Variants in ATXN1 observed in about 807,000 individuals in gnomAD.
ATXN1 encodes ataxin-1.
A neutral mutation model predicts 56.4 loss-of-function variants in ATXN1; 8 were observed. The observed-to-expected ratio is 0.14, with a 90% CI of 0.08 to 0.26. The LOEUF (loss-of-function observed/expected upper bound fraction) is 0.26. ATXN1 is among the 10% of genes least tolerant of loss of function. ATXN1 has a pLI of 1.00. For synonymous variants in ATXN1, 514 were observed against 494.6 expected (o/e 1.04, Z -0.52); for missense variants, 987 against 1,106.5 (o/e 0.89, Z 1.53).
At chr6:16,542,904 G>GTCTC (rs372686797) in intron 4 of ATXN1, among the ~76,000 whole-genome samples, 1 of 151,174 alleles carries the variant, frequency 6.6e-6, no homozygotes, top group Non-Finnish European at 1.5e-5. Flanking sequence ...TGAATGTGGT[G>GTCTC]TCTCTCTCTC....
intron 4 of ATXN1, among the ~76,000 whole-genome samples, chr6:16,566,772 C>T (rs1010216417): frequency 1.3e-5 from 2 of 152,028 alleles, no homozygotes; most frequent in Non-Finnish European, 2.9e-5. Flanking sequence ...AGGAGAATCG[C>T]TTGAATCTGG....
intron 6 of ATXN1, among the ~76,000 whole-genome samples, chr6:16,334,289 A>T (rs1761062568): frequency 6.6e-6 from 1 of 152,364 alleles, no homozygotes; most frequent in South Asian, 2.1e-4. Context: ...TGGTTTCAAC[A>T]GCTCAATTAG....
At chr6:16,661,659 C>A (rs1456743356) in intron 2 of ATXN1, among the ~76,000 whole-genome samples, 1 of 152,140 alleles carries the variant, frequency 6.6e-6, no homozygotes, top group South Asian at 2.1e-4. Flanking sequence ...ATTTCCAAGA[C>A]TGGGTTACAT....
intron 2 of ATXN1, among the ~76,000 whole-genome samples, chr6:16,727,837 C>T (rs1446883122): frequency 6.6e-6 from 1 of 152,182 alleles, no homozygotes; most frequent in Non-Finnish European, 1.5e-5. Context: ...AGTGAAAATT[C>T]GTCAGAGACC....
At chr6:16,462,751 C>A (rs1760024662) in intron 6 of ATXN1, among the ~76,000 whole-genome samples, 1 of 152,140 alleles carries the variant, frequency 6.6e-6, no homozygotes, top group Non-Finnish European at 1.5e-5. Flanking sequence ...TGTTATCAGG[C>A]CTGCCCCTGG....
rs1053401871 is a variant in ATXN1, at chr6:16,366,362, C to G, written c.-160-37892G>C. 5.8e-4 allele frequency among the ~76,000 whole-genome samples: 89 copies of G among 152,202 alleles called. 1 individual carries two copies. The highest frequency in any genetic ancestry group is 3.4e-3 in the Middle Eastern group (1 of 294). On this transcript the variant is annotated intron_variant, in intron 6 of 7. Transcript: ENST00000436367. The stretch of plus-strand genomic sequence containing the variant: ...CCTAGCTAACTTCTGGCTCTGGCAC[C>G]CTATCCGCTGACCCCTTTGCAACAA...
intron 3 of ATXN1, among the ~76,000 whole-genome samples, chr6:16,638,691 A>G (rs2113818145): frequency 6.6e-6 from 1 of 152,306 alleles, no homozygotes; most frequent in South Asian, 2.1e-4. Context: ...TTTAGTATAC[A>G]TTTTTGCTGA....
At chr6:16,415,127 A>C (rs1184622550) in intron 6 of ATXN1, among the ~76,000 whole-genome samples, 1 of 152,248 alleles carries the variant, frequency 6.6e-6, no homozygotes, top group Non-Finnish European at 1.5e-5. Context: ...GGTTTGTACA[A>C]CAGAAGAAGA....
chr6:16,632,867 T>G (rs1375337199), intron 3 of ATXN1, among the ~76,000 whole-genome samples: 5 of 151,756 alleles, frequency 3.3e-5, no homozygotes, highest in Admixed American at 1.3e-4. Context: ...TGTGGTGGCA[T>G]GCGCCTGTAA....
chr6:16,344,912 T>C (rs1581702841), intron 6 of ATXN1, among the ~76,000 whole-genome samples: 1 of 152,336 alleles, frequency 6.6e-6, no homozygotes, highest in East Asian at 1.9e-4. Flanking sequence ...GCAAAGCCAC[T>C]TCCGGCTGCT....
At chr6:16,458,669 A>C (rs905233744) in intron 6 of ATXN1, among the ~76,000 whole-genome samples, 1 of 152,208 alleles carries the variant, frequency 6.6e-6, no homozygotes, top group African/African-American at 2.4e-5. Context: ...GAGGACAGAA[A>C]ATGGAGCAGG....
intron 5 of ATXN1, among the ~76,000 whole-genome samples, chr6:16,490,439 T>C (rs527499947): frequency 2.0e-5 from 3 of 152,338 alleles, no homozygotes; most frequent in East Asian, 1.9e-4. Flanking sequence ...AGTTGTACTA[T>C]ACATTCAATG....
At chr6:16,423,807 C>T (rs1759084730) in intron 6 of ATXN1, among the ~76,000 whole-genome samples, 1 of 152,202 alleles carries the variant, frequency 6.6e-6, no homozygotes, top group Non-Finnish European at 1.5e-5. Flanking sequence ...CATGCATACA[C>T]ATGCAGGACT....
chr6:16,620,555 G>A (rs76629559), intron 3 of ATXN1, among the ~76,000 whole-genome samples: 2 of 152,084 alleles, frequency 1.3e-5, no homozygotes, highest in African/African-American at 4.8e-5. Context: ...AGAAATTGGG[G>A]CAATCTTTAA....
At chr6:16,452,838 T>G (rs1759780406) in intron 6 of ATXN1, among the ~76,000 whole-genome samples, 1 of 152,240 alleles carries the variant, frequency 6.6e-6, no homozygotes, top group South Asian at 2.1e-4. Context: ...TTAATTCACA[T>G]TAAAACTCTA....
intron 2 of ATXN1, among the ~76,000 whole-genome samples, chr6:16,685,495 C>T (rs1016295390): frequency 1.3e-5 from 2 of 152,186 alleles, no homozygotes; most frequent in African/African-American, 4.8e-5. Flanking sequence ...GCTGCACCCA[C>T]ACCACACGCA....
intron 2 of ATXN1, among the ~76,000 whole-genome samples, chr6:16,746,907 G>A (rs1760553372): frequency 6.6e-6 from 1 of 152,038 alleles, no homozygotes; most frequent in Non-Finnish European, 1.5e-5. Flanking sequence ...AGTCCCGAGA[G>A]ATCATTTCTT....
chr6:16,673,935 G>A (rs890095627), intron 2 of ATXN1, among the ~76,000 whole-genome samples: 3 of 152,194 alleles, frequency 2.0e-5, no homozygotes, highest in Non-Finnish European at 4.4e-5. Context: ...AATGTCCTGA[G>A]AGGGCAAAAT....
intron 4 of ATXN1, among the ~76,000 whole-genome samples, chr6:16,580,822 C>A (rs1044742950): frequency 6.6e-6 from 1 of 152,000 alleles, no homozygotes; most frequent in Non-Finnish European, 1.5e-5. Context: ...CTAAAAAAAT[C>A]ATTAAATGTC....
Sources: allele counts gnomAD v4.1 joint callset (sites outside exome capture counted in the v4.1 genomes callset), GRCh38; gene constraint gnomAD v4.1.1; transcripts MANE v1.5; gene names NCBI Gene and HGNC (gene_info 2026-07-23, HGNC 2026-07-21).